HK3: variants seen among roughly 807,000 people sequenced by gnomAD.
HK3 encodes the protein hexokinase 3.
Under a neutral mutation model 91.0 loss-of-function variants are expected in HK3, and 93 were observed. The ratio of observed to expected loss-of-function variants is 1.02; its 90% confidence interval spans 0.86 to 1.21. HK3 has a LOEUF of 1.21. Ranked by LOEUF, HK3 falls within the 50% of genes most tolerant of loss-of-function variation. The pLI, the probability that HK3 is intolerant of heterozygous loss-of-function variation, is 0.00. For synonymous variants in HK3, 519 were observed against 516.9 expected (o/e 1.00, Z -0.06); for missense variants, 1,235 against 1,247.4 (o/e 0.99, Z 0.15).
Position 176,883,810 on chromosome 5 carries a change from A to G in HK3, c.2013T>C (p.Cys671=), listed in dbSNP as rs764928358. Residue 671 remains cysteine, a synonymous_variant, in exon 15 of 19, where the codon TGT becomes TGC. Coordinates refer to ENST00000292432, the MANE Select transcript of HK3 (RefSeq NM_002115.3). ...TCTCGCAACGGGGGTCCTCATAGCC[A>G]CAGGACATCATGGTCCCCACCGTGT... ...VNDTVGTMMS[C]GYEDPRCEIG... is the part of the protein sequence containing the mutation. The G allele has an allele frequency of 6.2e-7, 1 of 1,614,072 alleles. No homozygotes were observed. The highest frequency in any genetic ancestry group is 8.5e-7 in the Non-Finnish European group (1 of 1,180,010).
Position 176,888,379 on chromosome 5 carries a change from G to A in HK3, c.1257C>T (p.Leu419=). The change falls in exon 10 of 19, where the codon CTC becomes CTT. Residue 419 remains leucine, a synonymous_variant. Transcript: ENST00000292432. ...GGCCTCCGGTGGCCACAGCAACCTG[G>A]AGTGTTTGTTGCTCCCGGCTGTGCT... ...CLQHSREQQT[L]QVAVATGGRV... The A allele has an allele frequency of 6.4e-7, 1 of 1,563,336 alleles. No homozygotes were observed. The highest frequency in any genetic ancestry group is 8.7e-7 in the Non-Finnish European group (1 of 1,153,270).
At position 176,891,505 on chromosome 5, in the gene HK3, G is replaced by A. The variant is rs773951617; in HGVS notation, c.142C>T (p.Gln48Ter). Residue 48 changes from glutamine (Q) to a stop codon, truncating the protein, a stop_gained, in exon 3 of 19, where the codon CAG becomes TAG. Coordinates refer to ENST00000292432, the MANE Select transcript of HK3 (RefSeq NM_002115.3). LOFTEE classifies it high-confidence loss of function. ...CCCAAGAGGCTGGCTTGGATCTGCT[G>A]TAGCTGTGCCCTTGTCACCTTGAAC... ...QQFKVTRAQL[Q>*]QIQASLLGSM... 17 of 1,614,054 alleles carry A rather than the reference G, an allele frequency of 1.1e-5. No homozygotes were observed. Among genetic ancestry groups the A allele is most frequent in the African/African-American group, 2.7e-5 (2 of 74,944 alleles).
intron 17 of HK3, 26 bp downstream of exon 17, chr5:176,881,666 G>C (rs573410150): frequency 3.1e-6 from 5 of 1,613,034 alleles, no homozygotes; most frequent in African/African-American, 2.7e-5. Context: ...CCCTGAAGTG[G>C]GGGAGGCAAT....
chr5:176,889,487 C>T lies in HK3; in HGVS notation c.808G>A (p.Val270Ile), dbSNP rs150272942. The T allele has an allele frequency of 5.4e-5, 87 of 1,614,074 alleles. No individual in the cohort carries two copies. In the African/African-American group the frequency reaches 6.1e-4, roughly 11 times the overall value. The change falls in exon 8 of 19, where the codon GTC (valine) becomes ATC (isoleucine). Residue 270 changes from valine (V) to isoleucine (I), a missense_variant. Transcript: ENST00000292432. ...CTGAAGGAGCCCCACTCGACGCTGA[C>T]GCAGACGCGGCCCCGGTCTTCGTCC... ...VLDEDRGRVC[V>I]SVEWGSFSDD...
chr5:176,888,477 C>T lies in HK3; in HGVS notation c.1159G>A (p.Val387Ile), dbSNP rs1322178837. The change falls in exon 10 of 19, where the codon GTC (valine) becomes ATC (isoleucine). Residue 387 changes from valine to isoleucine, a missense_variant. Physicochemically the swap from Val to Ile is conservative, Grantham distance 29. Around this residue, in one of 3 missense-constraint regions of HK3, gnomAD observed 717 missense variants for 751.6 expected, o/e 0.95. Coordinates refer to ENST00000292432, the MANE Select transcript of HK3 (RefSeq NM_002115.3). Reference sequence around the variant, plus strand: ...GCCCGCGTGCACACGGCCGCACAGACGTGCTGCACAAGCTCAACATCCGAA... The same window carrying T: ...GCCCGCGTGCACACGGCCGCACAGATGTGCTGCACAAGCTCAACATCCGAA... Reference protein sequence around the residue: ...GASDVELVQHVCAAVCTRAAQ... With the variant: ...GASDVELVQHICAAVCTRAAQ... 4.5e-6 allele frequency: 7 copies of T among 1,553,822 alleles called. No homozygotes were observed. Among genetic ancestry groups the T allele is most frequent in the Admixed American group, 2.0e-5 (1 of 51,208 alleles).
chr5:176,889,014 G>C, intron 8 of HK3, 150 bp from the exon 9 acceptor site: 1 of 865,766 alleles, frequency 1.2e-6, no homozygotes, highest in Non-Finnish European at 1.7e-6. Context: ...CAGAGGACAG[G>C]TGGGTGTATG....
chr5:176,890,800 T>A (rs375155440), intron 5 of HK3, 22 bp downstream of exon 5: 1 of 1,614,172 alleles, frequency 6.2e-7, no homozygotes, highest in South Asian at 1.1e-5. Context: ...CTACCCAGCG[T>A]CCCATGTCCA....
chr5:176,884,925 T>C lies in HK3; in HGVS notation c.1858-791A>G, dbSNP rs1758544306. ...AATAGTAAGCAACGTTTTCCTCCAA[T>C]AATATGTCCTTTTATCCCGTTTTTT... On this transcript the variant is annotated intron_variant, in intron 13 of 18. Coordinates refer to ENST00000292432, the MANE Select transcript of HK3 (RefSeq NM_002115.3). The surrounding 1 kb of genome is among the most constrained non-coding windows in gnomAD (Gnocchi z 4.1). 6.6e-6 allele frequency among the ~76,000 whole-genome samples: 1 copy of C among 152,186 alleles called. No individual in the cohort carries two copies. The highest frequency in any genetic ancestry group is 1.5e-5 in the Non-Finnish European group (1 of 68,028).
In HK3 at chr5:176,881,967, C is replaced by CG. The variant is rs767840067; in HGVS notation, c.2213dup (p.Ser739ValfsTer10). The CG allele has an allele frequency of 2.4e-5, 38 of 1,613,622 alleles. 1 individual carries two copies. The South Asian group carries it at 4.2e-4, about 18-fold the overall frequency. On this transcript the variant is annotated frameshift_variant, in exon 16 of 19. Transcript: ENST00000292432. LOFTEE classifies it high-confidence loss of function. The stretch of plus-strand genomic sequence containing the variant: ...ACCTCTGCTTGCCGGGGTTGATGGA[C>CG]GCCTGGTCCACACTTGCATCAAAGC...
rs565598895 is a variant in HK3 at position 176,884,943 on chromosome 5, C to T, written c.1858-809G>A. On this transcript the variant is annotated intron_variant, in intron 13 of 18. Coordinates refer to ENST00000292432, the MANE Select transcript of HK3 (RefSeq NM_002115.3). This position sits in a 1 kb window ranked among gnomAD's most constrained non-coding sequence, Gnocchi z 4.1. ...CCTCCAATAATATGTCCTTTTATCC[C>T]GTTTTTTATTGTCCTAGGCTCATTG... Among the ~76,000 whole-genome samples the T allele has an allele frequency of 3.3e-5, 5 of 152,240 alleles. No homozygotes were observed. The highest frequency in any genetic ancestry group is 9.6e-5 in the African/African-American group (4 of 41,536).
At position 176,881,337 on chromosome 5, in the gene HK3, C is replaced by G. The variant is rs775211830; in HGVS notation, c.2592G>C (p.Val864=). The stretch of plus-strand genomic sequence containing the variant: ...GCTTGTAGAGCGTTCCATCCACCCC[C>G]ACAGACACTGCCAGCTCTTCCAGGC... ...NRGLEELAVS[V]GVDGTLYKLH... Residue 864 remains valine (V), a synonymous_variant, in exon 18 of 19, where the codon GTG becomes GTC. Transcript: ENST00000292432. 2.5e-6 allele frequency: 4 copies of G among 1,614,072 alleles called. No individual in the cohort carries two copies. The highest frequency in any genetic ancestry group is 1.7e-5 in the Admixed American group (1 of 60,022).
chr5:176,883,707 G>T, intron 15 of HK3, 63 bp downstream of exon 15: 3 of 1,268,722 alleles, frequency 2.4e-6, no homozygotes, highest in Non-Finnish European at 3.4e-6. Flanking sequence ...CCAACCAGAG[G>T]AATCAACAGA....
At position 176,882,034 on chromosome 5, in the gene HK3, C is replaced by A. The variant is rs1359834303; in HGVS notation, c.2147G>T (p.Gly716Val). The A allele has an allele frequency of 6.2e-7, 1 of 1,613,238 alleles. No individual in the cohort carries two copies. Among genetic ancestry groups the A allele is most frequent in the Admixed American group, 1.7e-5 (1 of 60,024 alleles). Residue 716 changes from glycine to valine, a missense_variant, in exon 16 of 19, where the codon GGC (glycine) becomes GTC (valine). By Grantham distance (109) the Gly-to-Val change is moderately radical. Coordinates refer to ENST00000292432, the MANE Select transcript of HK3 (RefSeq NM_002115.3). ...CAGAGAGCCATCGTCCCCAAAGGCG[C>A]CCCACTCCATGTTGATGCACATGCG... The part of the protein sequence containing the change: ...SGRMCINMEW[G>V]AFGDDGSLAM...
chr5:176,881,624 G>A lies in HK3; in HGVS notation c.2393+68C>T, dbSNP rs1325252707. ...AGAGCAGACCTCGTCACCACCCATG[G>A]CCAGCAATCCCCCACAGTGGACAGA... On this transcript the variant is annotated intron_variant, in intron 17 of 18. Transcript: ENST00000292432. The A allele has an allele frequency of 2.5e-6, 4 of 1,597,212 alleles. No individual in the cohort carries two copies. The African/African-American group carries it at 4.0e-5, about 16-fold the overall frequency.
intron 4 of HK3, 31 bp from the exon 5 acceptor site, chr5:176,890,972 C>A (rs934248483): frequency 2.5e-6 from 4 of 1,613,776 alleles, no homozygotes; most frequent in African/African-American, 1.3e-5. Flanking sequence ...CTCAGCCTTG[C>A]CCATCTGAGC....
chr5:176,892,282 G>C (rs1053467625), intron 2 of HK3, among the ~76,000 whole-genome samples: 3 of 152,214 alleles, frequency 2.0e-5, no homozygotes, highest in Non-Finnish European at 2.9e-5. Context: ...AGGGTAGAAA[G>C]AGGTATTTTT....
At position 176,881,190 on chromosome 5, in the gene HK3, C is replaced by T. The variant is rs1224163051; in HGVS notation, c.2655G>A (p.Val885=). 10 of 1,613,054 alleles carry T rather than the reference C, an allele frequency of 6.2e-6. No individual in the cohort carries two copies. The highest frequency in any genetic ancestry group is 1.3e-5 in the African/African-American group (1 of 74,930). ...PRFSSLVAAT[V]RELAPRCVVT... is the part of the protein sequence containing the mutation. Reference sequence around the variant, plus strand: ...CCACACAGCGAGGGGCCAGCTCCCGCACTGTGGCCGCCACCAGGCTGGAGA... The same window carrying T: ...CCACACAGCGAGGGGCCAGCTCCCGTACTGTGGCCGCCACCAGGCTGGAGA... Residue 885 remains valine (V), a synonymous_variant, in exon 19 of 19, where the codon GTG becomes GTA. Coordinates refer to ENST00000292432, the MANE Select transcript of HK3 (RefSeq NM_002115.3).
At chr5:176,891,243 C>T in intron 3 of HK3, 52 bp from the exon 4 acceptor site, 1 of 1,613,562 alleles carries the variant, frequency 6.2e-7, no homozygotes, top group South Asian at 1.1e-5. Flanking sequence ...GACCAGAGCC[C>T]TCTGCCCACT....
rs1368609372 is a variant in HK3 at position 176,896,185 on chromosome 5, C to T, written c.-26G>A. On this transcript the variant is annotated splice_region_variant and 5_prime_UTR_variant, in exon 2 of 19. In the 5' UTR this introduces an upstream ATG that the reference lacks. Transcript: ENST00000292432. ...GAGCTTCCACAGTGGAAGGTGGCCA[C>T]CTATGGGAGAAAAGGGACAACCTGG... The T allele has an allele frequency of 6.4e-7, 1 of 1,551,506 alleles. No individual in the cohort carries two copies. Among genetic ancestry groups the T allele is most frequent in the South Asian group, 1.2e-5 (1 of 84,546 alleles).
Sources: allele counts gnomAD v4.1 joint callset (sites outside exome capture counted in the v4.1 genomes callset), GRCh38; gene constraint gnomAD v4.1.1; regional missense constraint gnomAD v4.1.1; non-coding constraint Gnocchi (gnomAD v3.1); transcripts MANE v1.5; gene names NCBI Gene and HGNC (gene_info 2026-07-23, HGNC 2026-07-21).